Variants in TMEM44 observed in about 807,000 individuals in gnomAD.
TMEM44 encodes transmembrane protein 44.
A neutral mutation model predicts 47.8 loss-of-function variants in TMEM44; 43 were observed. That is an observed-to-expected ratio of 0.90 (90% CI 0.70 to 1.16). The LOEUF is 1.16. TMEM44 is among the 50% of genes most tolerant of loss of function. The probability of loss-of-function intolerance (pLI) is 0.00; values close to 1 mark genes in which losing one functional copy is unlikely to be tolerated. For synonymous variants in TMEM44, 277 were observed against 238.8 expected, an observed-to-expected ratio of 1.16 and a Z score of -1.48; for missense variants, 568 against 555.2, an observed-to-expected ratio of 1.02 and a Z score of -0.23.
rs907238751 is a variant in TMEM44 at position 194,623,637 on chromosome 3, C to G, written c.417G>C (p.Leu139=). The change falls in exon 4 of 10, where the codon CTG becomes CTC. Residue 139 remains leucine, a synonymous_variant. Transcript: ENST00000347147. ...ACGGGCCCAGGCTCAGCGGCAGGGC[C>G]AGGGCAAACACACTGGCCCTGAGCT... ...RRQLRASVFA[L]ALPLSLGPCW... is the part of the protein sequence containing the mutation. The G allele has an allele frequency of 8.1e-6, 13 of 1,612,824 alleles. No homozygotes were observed. The highest frequency in any genetic ancestry group is 1.0e-5 in the Non-Finnish European group (12 of 1,179,936).
At chr3:194,610,385 CAGA>C (rs1278876418) in intron 8 of TMEM44, among the ~76,000 whole-genome samples, 1 of 152,080 alleles carries the variant, frequency 6.6e-6, no homozygotes, top group African/African-American at 2.4e-5. Context: ...TGAAAACCAG[CAGA>C]AGCAGAAGCT....
chr3:194,616,986 G>A, intron 6 of TMEM44, 113 bp downstream of exon 6: 1 of 1,208,342 alleles, frequency 8.3e-7, no homozygotes, highest in Non-Finnish European at 1.1e-6. Flanking sequence ...CCTTACTGCT[G>A]GGAGAGTTCC....
Position 194,600,758 on chromosome 3 carries a change from AAAAAAG to A in TMEM44, c.1176+3523_1176+3528del, listed in dbSNP as rs369474248. On this transcript the variant is annotated intron_variant, in intron 9 of 9. Coordinates refer to ENST00000347147, the MANE Select transcript of TMEM44 (RefSeq NM_001011655.3). Reference sequence around the variant, plus strand: ...GAGCAAGACTCCGTCTCAAAAAGAAAAAAAAGAAGAAGAAGAAGAACAGAAAATATA... The same window carrying A: ...GAGCAAGACTCCGTCTCAAAAAGAAAAAGAAGAAGAAGAACAGAAAATATA... Among the ~76,000 whole-genome samples the A allele has an allele frequency of 6.6e-3, 981 of 149,460 alleles. 8 individuals are homozygous for A. The highest frequency in any genetic ancestry group is 0.01 in the Non-Finnish European group (687 of 67,980).
chr3:194,624,452 G>A (rs569065151), intron 3 of TMEM44, among the ~76,000 whole-genome samples: 79 of 152,058 alleles, frequency 5.2e-4, no homozygotes, highest in African/African-American at 1.8e-3. Flanking sequence ...ACAGGGTCTC[G>A]CTGTCACCCA....
chr3:194,625,907 C>G lies in TMEM44; in HGVS notation c.348G>C (p.Lys116Asn). ...CAGCCACACACTCACCTGAATTAGA[C>G]TTGAATTTGGATCCACAGACTGGGA... ...ILFPVCGSKF[K>N]SNSDREARER... The change falls in exon 3 of 10, where the codon AAG becomes AAC. Residue 116 changes from lysine (K) to asparagine (N), a missense_variant. Transcript: ENST00000347147. 6.2e-7 allele frequency: 1 copy of G among 1,613,322 alleles called. No individual in the cohort carries two copies. Among genetic ancestry groups the G allele is most frequent in the Non-Finnish European group, 8.5e-7 (1 of 1,179,314 alleles).
chr3:194,624,767 C>A (rs557195676), intron 3 of TMEM44, among the ~76,000 whole-genome samples: 2 of 150,878 alleles, frequency 1.3e-5, no homozygotes, highest in Non-Finnish European at 2.9e-5. Context: ...TTGTTGCCCA[C>A]GTTGGAGTGC....
chr3:194,625,812 C>A, intron 3 of TMEM44, 85 bp downstream of exon 3: 1 of 1,266,896 alleles, frequency 7.9e-7, no homozygotes, highest in Non-Finnish European at 1.1e-6. Context: ...CTGGGGCCCG[C>A]TCTGGGAGTG....
chr3:194,602,607 A>AC (rs1173287387), intron 9 of TMEM44, among the ~76,000 whole-genome samples: 3 of 151,538 alleles, frequency 2.0e-5, no homozygotes, highest in African/African-American at 7.3e-5. Context: ...CTTCTCAAAA[A>AC]AAAAAAAGAA....
rs1451678022 is a variant in TMEM44 at position 194,592,891 on chromosome 3, G to A, written c.1177-4252C>T. On this transcript the variant is annotated intron_variant, in intron 9 of 9. Transcript: ENST00000347147. Reference sequence around the variant, plus strand: ...GCCTCCCAAAGTGCTAGGATTACAGGTGTGAGCCACCGCGCCTGGCCTGAC... The same window carrying A: ...GCCTCCCAAAGTGCTAGGATTACAGATGTGAGCCACCGCGCCTGGCCTGAC... The A allele has an allele frequency of 4.5e-6, 4 of 898,186 alleles. No homozygotes were observed. In the African/African-American group the frequency reaches 5.0e-5, roughly 11 times the overall value. The allele number at this position is 898,186 out of a possible 1,614,324, so 55.6% of individuals were successfully genotyped here.
chr3:194,622,177 A>G (rs711989), intron 5 of TMEM44, among the ~76,000 whole-genome samples: 137,450 of 152,268 alleles, frequency 0.9, 62,125 homozygotes, highest in East Asian at 0.98. Flanking sequence ...GCGCTTTCGC[A>G]CGTGGGGGCT....
Position 194,628,413 on chromosome 3 carries a change from C to A in TMEM44, c.234G>T (p.Gly78=). 2 of 1,612,494 alleles carry A rather than the reference C, an allele frequency of 1.2e-6. No individual in the cohort carries two copies. Among genetic ancestry groups the A allele is most frequent in the South Asian group, 2.2e-5 (2 of 90,718 alleles). The change falls in exon 2 of 10, where the codon GGG becomes GGT. Residue 78 remains glycine (G), a synonymous_variant. Coordinates refer to ENST00000347147, the MANE Select transcript of TMEM44 (RefSeq NM_001011655.3). ...CLLTSLCDTV[G]ALLARQLTIQ... ...TTGTGAGCTGTCTGGCCAGAAGAGC[C>A]CCGACGGTGTCACACAGACTGGTCA...
At chr3:194,593,096 G>T in intron 9 of TMEM44, 1 of 1,613,014 alleles carries the variant, frequency 6.2e-7, no homozygotes. Context: ...AAGAGAGACA[G>T]AAAAAGTGTT....
At chr3:194,615,458 C>T (rs1325372776) in intron 7 of TMEM44, 111 bp downstream of exon 7, 5 of 1,438,372 alleles carry the variant, frequency 3.5e-6, no homozygotes, top group East Asian at 2.4e-5. Flanking sequence ...CTGCAGAGAA[C>T]ACTCGGCAGG....
At chr3:194,612,075 A>G (rs1715385245) in intron 7 of TMEM44, among the ~76,000 whole-genome samples, 1 of 152,060 alleles carries the variant, frequency 6.6e-6, no homozygotes, top group Non-Finnish European at 1.5e-5. Flanking sequence ...AGATTGCTGG[A>G]CCACACCCTC....
At chr3:194,624,106 G>A (rs1179709221) in intron 3 of TMEM44, among the ~76,000 whole-genome samples, 1 of 152,190 alleles carries the variant, frequency 6.6e-6, no homozygotes, top group Admixed American at 6.5e-5. Flanking sequence ...AATCAGCGAT[G>A]GCACCAGCGG....
At chr3:194,599,475 A>T (rs1209077711) in intron 9 of TMEM44, among the ~76,000 whole-genome samples, 1 of 152,064 alleles carries the variant, frequency 6.6e-6, no homozygotes. Context: ...GGCCGGCCCA[A>T]CCTCACCACC....
Position 194,588,352 on chromosome 3 carries a change from G to T in TMEM44, c.*177C>A. On this transcript the variant is annotated 3_prime_UTR_variant, in exon 10 of 10. Transcript: ENST00000347147. Reference sequence around the variant, plus strand: ...AGGTCTGTCCGCAGTACCCAAAGTCGTAGCTCCGTGATGAGCTATGATGTA... The same window carrying T: ...AGGTCTGTCCGCAGTACCCAAAGTCTTAGCTCCGTGATGAGCTATGATGTA... 1.7e-6 allele frequency: 1 copy of T among 598,948 alleles called. No homozygotes were observed. The highest frequency in any genetic ancestry group is 2.9e-6 in the Non-Finnish European group (1 of 339,062). The allele number at this position is 598,948 out of a possible 1,614,324, so 37.1% of individuals were successfully genotyped here.
intron 7 of TMEM44, among the ~76,000 whole-genome samples, chr3:194,612,057 T>C (rs1352059914): frequency 7.4e-6 from 1 of 135,818 alleles, no homozygotes; most frequent in East Asian, 2.5e-4. Context: ...AATAAATAAA[T>C]AAAATACAGA....
intron 7 of TMEM44, among the ~76,000 whole-genome samples, chr3:194,612,335 C>T (rs970217747): frequency 9.2e-5 from 14 of 152,206 alleles, no homozygotes; most frequent in African/African-American, 3.1e-4. Context: ...CCACTAGGGC[C>T]TCATGGGAAC....
Sources: allele counts gnomAD v4.1 joint callset (sites outside exome capture counted in the v4.1 genomes callset), GRCh38; gene constraint gnomAD v4.1.1; transcripts MANE v1.5; gene names NCBI Gene and HGNC (gene_info 2026-07-23, HGNC 2026-07-21).